PTPRT: variants seen among roughly 807,000 people sequenced by gnomAD.
PTPRT encodes receptor-type tyrosine-protein phosphatase T.
PTPRT carries 56 observed loss-of-function variants against 176.8 expected under a neutral mutation model. The observed-to-expected ratio is 0.32, with a 90% CI of 0.26 to 0.40. The LOEUF (loss-of-function observed/expected upper bound fraction) is 0.40, where lower values mean the gene tolerates loss of function less well. Among genes scored for constraint, PTPRT ranks in the 10% least tolerant of loss-of-function variants. The pLI is 1.00. For synonymous variants in PTPRT, 783 were observed against 739.0 expected (o/e 1.06, Z -0.96); for missense variants, 1,540 against 1,908.2 (o/e 0.81, Z 3.60).
intron 12 of PTPRT, among the ~76,000 whole-genome samples, chr20:42,311,222 T>G (rs2057623137): frequency 6.6e-6 from 1 of 152,154 alleles, no homozygotes; most frequent in Non-Finnish European, 1.5e-5. Context: ...CTCAGAAAAA[T>G]GCCTTTTTTG....
At chr20:42,182,907 GGTGTGTGT>G (rs10608197) in intron 16 of PTPRT, among the ~76,000 whole-genome samples, 1,689 of 144,698 alleles carry the variant, frequency 0.012, 36 homozygotes, top group African/African-American at 0.036. Flanking sequence ...TACAAGCAGG[GGTGTGTGT>G]GTGTGTGTGT....
chr20:42,120,223 C>T (rs1466277069), intron 19 of PTPRT, among the ~76,000 whole-genome samples: 1 of 152,162 alleles, frequency 6.6e-6, no homozygotes, highest in African/African-American at 2.4e-5. Flanking sequence ...GCCAGTGGCA[C>T]TGGGAGCAAA....
chr20:42,848,484 T>C (rs903224191), intron 2 of PTPRT, among the ~76,000 whole-genome samples: 6 of 152,198 alleles, frequency 3.9e-5, no homozygotes, highest in African/African-American at 1.4e-4. Context: ...CCAACATCTA[T>C]TATTTTTTGA....
chr20:42,950,185 G>A (rs1415471766), intron 1 of PTPRT, among the ~76,000 whole-genome samples: 2 of 152,208 alleles, frequency 1.3e-5, no homozygotes, highest in African/African-American at 4.8e-5. Context: ...TGGGAGCACT[G>A]GTGCCCTGAC....
At position 42,075,480 on chromosome 20, in the gene PTPRT, G is replaced by T. The variant is rs989340433; in HGVS notation, c.*5399C>A. On this transcript the variant is annotated 3_prime_UTR_variant, in exon 31 of 31. Transcript: ENST00000373187. Reference sequence around the variant, plus strand: ...CTTCCAGAGTGTTACTCCTGGTTGAGCTTGGTGCTGATGACCTGTTTACCC... The same window carrying T: ...CTTCCAGAGTGTTACTCCTGGTTGATCTTGGTGCTGATGACCTGTTTACCC... 1.8e-5 allele frequency: 4 copies of T among 223,586 alleles called. No homozygotes were observed. Among genetic ancestry groups the T allele is most frequent in the Non-Finnish European group, 3.6e-5 (4 of 111,960 alleles). The allele number at this position is 223,586 out of a possible 1,614,324, so 13.9% of individuals were successfully genotyped here.
intron 1 of PTPRT, among the ~76,000 whole-genome samples, chr20:42,965,294 G>C (rs148556076): frequency 2.0e-5 from 3 of 152,232 alleles, no homozygotes; most frequent in South Asian, 4.1e-4. Context: ...ATAATGCCAC[G>C]ATGACCTACT....
At chr20:43,103,564 A>T (rs927407515) in intron 1 of PTPRT, among the ~76,000 whole-genome samples, 3 of 152,080 alleles carry the variant, frequency 2.0e-5, no homozygotes, top group Non-Finnish European at 4.4e-5. Flanking sequence ...CTATTCTTTG[A>T]CTTTACAATG....
At chr20:42,356,568 T>C (rs1383509667) in intron 9 of PTPRT, among the ~76,000 whole-genome samples, 4 of 151,950 alleles carry the variant, frequency 2.6e-5, no homozygotes, top group African/African-American at 7.3e-5. Flanking sequence ...TGGTGGTGCA[T>C]GCCTGTAACC....
At chr20:42,450,313 A>AGAT (rs2070805646) in intron 8 of PTPRT, among the ~76,000 whole-genome samples, 2 of 152,362 alleles carry the variant, frequency 1.3e-5, no homozygotes, top group African/African-American at 2.4e-5. Context: ...ATATATTACC[A>AGAT]GATTGCCTTT....
intron 1 of PTPRT, among the ~76,000 whole-genome samples, chr20:42,989,360 T>TGA (rs1983766341): frequency 6.6e-6 from 1 of 152,248 alleles, no homozygotes; most frequent in Non-Finnish European, 1.5e-5. Context: ...GTGTGAGCAG[T>TGA]GAGAGATGAC....
chr20:43,181,439 T>C (rs1295586487), intron 1 of PTPRT, among the ~76,000 whole-genome samples: 1 of 152,124 alleles, frequency 6.6e-6, no homozygotes, highest in Non-Finnish European at 1.5e-5. Flanking sequence ...GGGACCTGAC[T>C]CTGGACCTGA....
At chr20:43,018,851 T>G (rs1985502588) in intron 1 of PTPRT, among the ~76,000 whole-genome samples, 1 of 152,184 alleles carries the variant, frequency 6.6e-6, no homozygotes, top group Non-Finnish European at 1.5e-5. Flanking sequence ...CATCAAGAGT[T>G]TAAGGAGTGG....
chr20:42,677,048 G>C (rs551328685), intron 7 of PTPRT, among the ~76,000 whole-genome samples: 1 of 152,282 alleles, frequency 6.6e-6, no homozygotes, highest in East Asian at 1.9e-4. Flanking sequence ...AGGACCTTCA[G>C]AGGAATAGTC....
intron 9 of PTPRT, among the ~76,000 whole-genome samples, chr20:42,401,496 T>A (rs2058906866): frequency 2.0e-5 from 3 of 152,166 alleles, no homozygotes; most frequent in Admixed American, 2.0e-4. Context: ...CAAGCATTAT[T>A]TTTTAATCAG....
chr20:42,376,567 C>T (rs2145617258), intron 9 of PTPRT, among the ~76,000 whole-genome samples: 1 of 152,336 alleles, frequency 6.6e-6, no homozygotes, highest in East Asian at 1.9e-4. Flanking sequence ...CCCTAACCCT[C>T]ACCCCAAGAA....
rs1555828979 is a variant in PTPRT, at chr20:43,083,347, T to TAC, written c.88+106298_88+106299insGT. ...ATATATATATATATATATATATATA[T>TAC]ATATATATATATATATATATATACA... is the stretch of plus-strand genomic sequence containing the variant. On this transcript the variant is annotated intron_variant, in intron 1 of 30. Transcript: ENST00000373187. Among the ~76,000 whole-genome samples the TAC allele has an allele frequency of 2.8e-4, 27 of 97,784 alleles. 2 individuals are homozygous for TAC. The highest frequency in any genetic ancestry group is 3.9e-4 in the African/African-American group (11 of 28,056). The allele number at this position is 97,784 out of a possible 152,430, so 64.2% of individuals were successfully genotyped here. A position where few individuals can be genotyped will look rare whatever the true frequency, so the allele number is the denominator to read the frequency against.
At chr20:42,956,179 GC>G (rs1981621574) in intron 1 of PTPRT, among the ~76,000 whole-genome samples, 1 of 152,084 alleles carries the variant, frequency 6.6e-6, no homozygotes, top group Admixed American at 6.5e-5. Context: ...AGCATTGTCT[GC>G]CCAAACTTGG....
intron 13 of PTPRT, among the ~76,000 whole-genome samples, chr20:42,276,948 C>T (rs772128409): frequency 2.0e-5 from 3 of 152,014 alleles, no homozygotes; most frequent in Non-Finnish European, 4.4e-5. Flanking sequence ...CTGGTCCCTG[C>T]AGGAGTGAGA....
chr20:42,731,379 G>A (rs148246516), intron 6 of PTPRT, among the ~76,000 whole-genome samples: 8 of 152,256 alleles, frequency 5.3e-5, no homozygotes, highest in South Asian at 2.1e-4. Context: ...CTTAATTACC[G>A]AGCAGGCAAG....
Sources: allele counts gnomAD v4.1 joint callset (sites outside exome capture counted in the v4.1 genomes callset), GRCh38; gene constraint gnomAD v4.1.1; transcripts MANE v1.5; gene names NCBI Gene and HGNC (gene_info 2026-07-23, HGNC 2026-07-21).